The following RXFP2 variants were observed in gnomAD, a reference collection of about 807,000 sequenced individuals.
The protein encoded by RXFP2 is relaxin receptor 2.
In RXFP2, 68 loss-of-function variants were observed where a neutral mutation model predicts 88.6. The observed-to-expected ratio is 0.77, with a 90% CI of 0.63 to 0.94. The LOEUF is 0.94. Ranked by LOEUF, RXFP2 falls within the 40% of genes least tolerant of loss-of-function variation. The pLI, the probability that RXFP2 is intolerant of heterozygous loss-of-function variation, is 0.00. For synonymous variants in RXFP2, 329 were observed against 306.8 expected (o/e 1.07, Z -0.76); for missense variants, 791 against 893.9 (o/e 0.88, Z 1.47).
At chr13:31,783,022 A>G (rs1032051399) in intron 11 of RXFP2, among the ~76,000 whole-genome samples, 12 of 152,334 alleles carry the variant, frequency 7.9e-5, no homozygotes, top group Admixed American at 5.2e-4. Context: ...TGAGTTTTCC[A>G]TGGCTTCTTA....
At chr13:31,769,970 C>A (rs1354443003) in intron 5 of RXFP2, among the ~76,000 whole-genome samples, 1 of 152,190 alleles carries the variant, frequency 6.6e-6, no homozygotes, top group Non-Finnish European at 1.5e-5. Context: ...AAGAGAACAG[C>A]ACTAAATTGT....
intron 5 of RXFP2, among the ~76,000 whole-genome samples, chr13:31,772,588 C>T (rs902942409): frequency 6.6e-6 from 1 of 152,192 alleles, no homozygotes; most frequent in African/African-American, 2.4e-5. Context: ...CTTTAAGCTA[C>T]TATTCTGCAA....
At chr13:31,746,435 T>C (rs1303915182) in intron 1 of RXFP2, among the ~76,000 whole-genome samples, 1 of 152,232 alleles carries the variant, frequency 6.6e-6, no homozygotes, top group Non-Finnish European at 1.5e-5. Context: ...ATCTACATTG[T>C]CTACTTATCA....
chr13:31,758,211 G>A, intron 1 of RXFP2, 47 bp from the exon 2 acceptor site: 1 of 1,608,968 alleles, frequency 6.2e-7, no homozygotes, highest in Non-Finnish European at 8.5e-7. Context: ...AACACGGAGA[G>A]AGCTTGGCCA....
intron 13 of RXFP2, 44 bp from the exon 14 acceptor site, chr13:31,789,078 C>T (rs757123190): frequency 3.3e-5 from 39 of 1,181,804 alleles, no homozygotes; most frequent in South Asian, 1.2e-4. Flanking sequence ...ATTATTAAAA[C>T]GTTTCATCTC....
intron 16 of RXFP2, among the ~76,000 whole-genome samples, chr13:31,795,646 T>A (rs1488640653): frequency 6.6e-6 from 1 of 152,236 alleles, no homozygotes; most frequent in Admixed American, 6.5e-5. Context: ...TGGATAAAAA[T>A]AACAGATCAC....
At chr13:31,786,478 T>G (rs1490355949) in intron 12 of RXFP2, 24 bp downstream of exon 12, 1 of 1,581,256 alleles carries the variant, frequency 6.3e-7, no homozygotes, top group Admixed American at 1.7e-5. Flanking sequence ...CTCACCATAA[T>G]CAGATTTAAA....
At chr13:31,774,142 C>T (rs1311498293) in intron 5 of RXFP2, among the ~76,000 whole-genome samples, 1 of 152,186 alleles carries the variant, frequency 6.6e-6, no homozygotes, top group Non-Finnish European at 1.5e-5. Context: ...TTGCCTTGTC[C>T]TTCTCACTTT....
chr13:31,740,381 C>G (rs976620033), intron 1 of RXFP2, among the ~76,000 whole-genome samples: 1 of 151,988 alleles, frequency 6.6e-6, no homozygotes, highest in Non-Finnish European at 1.5e-5. Context: ...CGTTGTCAGC[C>G]TATACATTCA....
chr13:31,795,231 C>A (rs957258979), intron 16 of RXFP2, among the ~76,000 whole-genome samples: 4 of 151,726 alleles, frequency 2.6e-5, no homozygotes, highest in South Asian at 2.1e-4. Flanking sequence ...CTCCCTGCAA[C>A]CTCCGCCTCC....
chr13:31,778,475 T>C (rs1359952898), intron 8 of RXFP2, 37 bp from the exon 9 acceptor site: 7 of 1,375,544 alleles, frequency 5.1e-6, no homozygotes, highest in Non-Finnish European at 7.3e-6. Context: ...AAGTGTCATA[T>C]CATTTTATTT....
intron 6 of RXFP2, 52 bp from the exon 7 acceptor site, chr13:31,775,266 A>G (rs371236374): frequency 8.3e-5 from 109 of 1,315,660 alleles, no homozygotes; most frequent in Non-Finnish European, 3.3e-6. Context: ...ATTATATGTG[A>G]CTAAAATAGG....
At chr13:31,785,346 C>T (rs2138446326) in intron 11 of RXFP2, among the ~76,000 whole-genome samples, 1 of 152,236 alleles carries the variant, frequency 6.6e-6, no homozygotes, top group African/African-American at 2.4e-5. Flanking sequence ...TGGATCACTT[C>T]CTGACTCCTG....
At position 31,758,347 on chromosome 13, in the gene RXFP2, G is replaced by A. The variant is rs61743161; in HGVS notation, c.184G>A (p.Ala62Thr). 5.9e-4 allele frequency: 946 copies of A among 1,614,150 alleles called. 1 individual carries two copies. Among genetic ancestry groups the A allele is most frequent in the Admixed American group, 1.6e-3 (99 of 60,018 alleles). The change falls in exon 2 of 18, where the codon GCT (alanine) becomes ACT (threonine). Residue 62 changes from alanine to threonine, a missense_variant. Coordinates refer to ENST00000298386, the MANE Select transcript of RXFP2 (RefSeq NM_130806.5). ...GAATCTTACCAAGTGCTTACCCCGA[G>A]CTTTTCACTGTGATGGCAAGGATGA... ...CGNLTKCLPR[A>T]FHCDGKDDCG...
chr13:31,764,921 T>C (rs1872478514), intron 3 of RXFP2, 116 bp from the exon 4 acceptor site: 2 of 678,102 alleles, frequency 2.9e-6, no homozygotes, highest in Admixed American at 4.1e-5. Flanking sequence ...TGAGTTCATT[T>C]AACAGATGTA....
chr13:31,764,243 T>TCTCACACA lies in RXFP2; in HGVS notation c.320-793_320-792insTCACACAC, dbSNP rs1262150474. Among the ~76,000 whole-genome samples the TCTCACACA allele has an allele frequency of 3.9e-3, 513 of 131,766 alleles. 3 individuals are homozygous for TCTCACACA. Among genetic ancestry groups the TCTCACACA allele is most frequent in the African/African-American group, 0.014 (488 of 35,116 alleles). The allele number at this position is 131,766 out of a possible 152,430, so 86.4% of individuals were successfully genotyped here. On this transcript the variant is annotated intron_variant, in intron 3 of 17. Transcript: ENST00000298386. Reference sequence around the variant, plus strand: ...CTGCCCTCGTCTGTCTCTCTCTCTTTCACACACACACACACACACACACAC... The same window carrying TCTCACACA: ...CTGCCCTCGTCTGTCTCTCTCTCTTTCTCACACACACACACACACACACACACACACAC...
intron 1 of RXFP2, among the ~76,000 whole-genome samples, chr13:31,754,388 GGGC>G (rs1381484230): frequency 5.3e-5 from 8 of 152,106 alleles, no homozygotes; most frequent in African/African-American, 1.9e-4. Context: ...AAAAATAGCC[GGGC>G]GTGGTGGCGT....
intron 17 of RXFP2, 31 bp from the exon 18 acceptor site, chr13:31,802,115 C>T: frequency 1.2e-6 from 2 of 1,610,300 alleles, no homozygotes; most frequent in Middle Eastern, 1.7e-4. Flanking sequence ...AAAACTTCAA[C>T]TTTTTTTTCA....
intron 4 of RXFP2, 141 bp from the exon 5 acceptor site, chr13:31,765,815 A>G: frequency 1.6e-6 from 1 of 619,046 alleles, no homozygotes; most frequent in Admixed American, 3.1e-5. Flanking sequence ...CCCATGAAAA[A>G]TTTTTAGTTA....
Sources: gnomAD v4.1 joint callset for allele counts (sites outside exome capture counted in the v4.1 genomes callset) on GRCh38, gnomAD v4.1.1 for gene constraint, MANE v1.5 for transcripts, NCBI Gene and HGNC (gene_info 2026-07-23, HGNC 2026-07-21) for gene names.